SH3GL1: variants seen among roughly 807,000 people sequenced by gnomAD.
SH3GL1 encodes the protein endophilin-A2.
SH3GL1 carries 21 observed loss-of-function variants against 48.8 expected under a neutral mutation model. The ratio of observed to expected loss-of-function variants is 0.43; its 90% CI spans 0.30 to 0.62. SH3GL1 has a LOEUF of 0.62. SH3GL1 is among the 20% of genes least tolerant of loss of function. The pLI, the probability that SH3GL1 is intolerant of heterozygous loss-of-function variation, is 0.11. For missense variants in SH3GL1, 454 were observed against 503.0 expected, an observed-to-expected ratio of 0.90 and a Z score of 0.93; for synonymous variants, 282 against 217.5, an observed-to-expected ratio of 1.30 and a Z score of -2.61.
At chr19:4,398,510 G>A (rs1973462747) in intron 1 of SH3GL1, among the ~76,000 whole-genome samples, 1 of 151,702 alleles carries the variant, frequency 6.6e-6, no homozygotes. Context: ...ACCCTCCTTA[G>A]TAGCTGGGGT....
At chr19:4,379,233 C>G (rs1855312580) in intron 1 of SH3GL1, among the ~76,000 whole-genome samples, 1 of 151,692 alleles carries the variant, frequency 6.6e-6, no homozygotes, top group African/African-American at 2.4e-5. Flanking sequence ...GGAAGCAGAT[C>G]ACCTGAGATT....
rs919878219 is a variant in SH3GL1 at position 4,376,911 on chromosome 19, G to A, written c.46-9917C>T. ...AAGGACCCCGGGCAACCTCTTGGGGGTCCTCGCCACATCCCACCCCTTGAC... is the reference window on the plus strand; with the variant it reads ...AAGGACCCCGGGCAACCTCTTGGGGATCCTCGCCACATCCCACCCCTTGAC... On this transcript the variant is annotated intron_variant, in intron 1 of 9. Coordinates refer to ENST00000269886, the MANE Select transcript of SH3GL1 (RefSeq NM_003025.4). This position sits in a 1 kb window ranked among gnomAD's most constrained non-coding sequence, Gnocchi z 4.3. Among the ~76,000 whole-genome samples, 2 of 152,186 alleles carry A rather than the reference G, an allele frequency of 1.3e-5. No homozygotes were observed. The highest frequency in any genetic ancestry group is 4.8e-5 in the African/African-American group (2 of 41,426).
At chr19:4,384,931 T>C (rs1897841363) in intron 1 of SH3GL1, among the ~76,000 whole-genome samples, 1 of 152,064 alleles carries the variant, frequency 6.6e-6, no homozygotes, top group African/African-American at 2.4e-5. Flanking sequence ...TGGTGAAACC[T>C]TGTCCCTACT....
chr19:4,366,380 G>A (rs1972779595), intron 3 of SH3GL1, 121 bp downstream of exon 3: 2 of 756,652 alleles, frequency 2.6e-6, no homozygotes, highest in Admixed American at 2.2e-5. Context: ...TGCACTCCGG[G>A]ATCCAGCTGT....
chr19:4,363,185 A>G (rs374254041), intron 7 of SH3GL1, among the ~76,000 whole-genome samples, 185 bp downstream of exon 7: 7 of 152,126 alleles, frequency 4.6e-5, no homozygotes, highest in African/African-American at 1.7e-4. Flanking sequence ...GTGTTGACTC[A>G]GAGTTCTCAG....
intron 1 of SH3GL1, among the ~76,000 whole-genome samples, chr19:4,381,013 C>A (rs1973109395): frequency 6.6e-6 from 1 of 152,038 alleles, no homozygotes; most frequent in Admixed American, 6.6e-5. Flanking sequence ...GAAAAAACAA[C>A]TCTGTTTCCC....
intron 1 of SH3GL1, among the ~76,000 whole-genome samples, chr19:4,392,555 CACACACACACACACAA>C (rs1296196938): frequency 4.2e-5 from 4 of 95,908 alleles, no homozygotes; most frequent in African/African-American, 1.6e-4. Context: ...CACACACACA[CACACACACACACACAA>C]AAGATCATTC....
chr19:4,397,618 T>C (rs750817051), intron 1 of SH3GL1, among the ~76,000 whole-genome samples: 1 of 152,136 alleles, frequency 6.6e-6, no homozygotes, highest in Admixed American at 6.5e-5. Flanking sequence ...GGAGCAGTAC[T>C]CTATGGTGCT....
intron 1 of SH3GL1, among the ~76,000 whole-genome samples, chr19:4,377,764 C>T (rs575596440): frequency 2.6e-4 from 39 of 152,350 alleles, no homozygotes; most frequent in African/African-American, 8.9e-4. Flanking sequence ...ACAGTGATGT[C>T]GGTGGTGGAA....
At chr19:4,361,826 G>A (rs745540193) in intron 9 of SH3GL1, 30 bp from the exon 10 acceptor site, 1 of 1,520,482 alleles carries the variant, frequency 6.6e-7, no homozygotes, top group Non-Finnish European at 9.0e-7. Flanking sequence ...GTGGGGCTGG[G>A]GCTGCTACGC....
chr19:4,364,525 G>T, intron 4 of SH3GL1: 1 of 376,380 alleles, frequency 2.7e-6, no homozygotes, highest in East Asian at 6.2e-5. Flanking sequence ...CTGCCTCCCA[G>T]GTTCAAGCAA....
At chr19:4,373,226 AC>A (rs1972938230) in intron 1 of SH3GL1, among the ~76,000 whole-genome samples, 1 of 151,780 alleles carries the variant, frequency 6.6e-6, no homozygotes, top group South Asian at 2.1e-4. Flanking sequence ...GCAGAAACCC[AC>A]TCCCCAGCCC....
At chr19:4,388,973 G>A (rs1247454709) in intron 1 of SH3GL1, among the ~76,000 whole-genome samples, 1 of 152,192 alleles carries the variant, frequency 6.6e-6, no homozygotes, top group African/African-American at 2.4e-5. Context: ...CGAGTTCTCC[G>A]AGGCCTTGTC....
intron 1 of SH3GL1, among the ~76,000 whole-genome samples, chr19:4,371,771 T>C (rs1599600832): frequency 6.6e-6 from 1 of 152,112 alleles, no homozygotes. Flanking sequence ...CTCTGGCTGG[T>C]GTCTGCCTGC....
chr19:4,374,060 T>C (rs1305391432), intron 1 of SH3GL1, among the ~76,000 whole-genome samples: 1 of 152,126 alleles, frequency 6.6e-6, no homozygotes, highest in Non-Finnish European at 1.5e-5. Flanking sequence ...CTTTGTTGTG[T>C]GCGCGGCAGC....
At chr19:4,373,911 A>G (rs1972953841) in intron 1 of SH3GL1, among the ~76,000 whole-genome samples, 1 of 152,200 alleles carries the variant, frequency 6.6e-6, no homozygotes, top group African/African-American at 2.4e-5. Flanking sequence ...CGCAGTCTAA[A>G]TCGCCTTGGG....
rs1972798227 is a variant in SH3GL1 at position 4,367,053 on chromosome 19, G to C, written c.46-59C>G. 5 of 1,529,226 alleles carry C rather than the reference G, an allele frequency of 3.3e-6. No individual in the cohort carries two copies. The Admixed American group carries it at 5.0e-5, about 15-fold the overall frequency. The allele number at this position is 1,529,226 out of a possible 1,614,324, so 94.7% of individuals were successfully genotyped here. On this transcript the variant is annotated intron_variant, in intron 1 of 9. Transcript: ENST00000269886. The surrounding 1 kb of genome is among the most constrained non-coding windows in gnomAD (Gnocchi z 4.2). ...CAGGGGTAGGAGGAAGAAGAGGACA[G>C]GAGGCCCTGAGCCGCCTTCCAGCCA...
intron 1 of SH3GL1, among the ~76,000 whole-genome samples, chr19:4,394,386 T>C (rs1973390030): frequency 6.6e-6 from 1 of 152,006 alleles, no homozygotes; most frequent in Non-Finnish European, 1.5e-5. Context: ...AGGGAGTGGG[T>C]GTCACACAGG....
intron 1 of SH3GL1, among the ~76,000 whole-genome samples, chr19:4,383,786 G>T (rs8104461): frequency 6.6e-6 from 1 of 152,090 alleles, no homozygotes; most frequent in Non-Finnish European, 1.5e-5. Context: ...AATCCATGCC[G>T]GAACACAGCG....
Sources: gnomAD v4.1 joint callset for allele counts (sites outside exome capture counted in the v4.1 genomes callset) on GRCh38, gnomAD v4.1.1 for gene constraint, Gnocchi (gnomAD v3.1) non-coding constraint, MANE v1.5 for transcripts, NCBI Gene and HGNC (gene_info 2026-07-23, HGNC 2026-07-21) for gene names.